HNF4G: variants seen among roughly 807,000 people sequenced by gnomAD.
The protein encoded by HNF4G is hepatocyte nuclear factor 4 gamma.
In HNF4G, 21 loss-of-function variants were observed where a neutral mutation model predicts 50.9. The observed-to-expected ratio is 0.41, with a 90% CI of 0.29 to 0.59. HNF4G has a LOEUF of 0.59. Ranked by LOEUF, HNF4G falls within the 20% of genes least tolerant of loss-of-function variation. HNF4G has a pLI of 0.26. For synonymous variants in HNF4G, 198 were observed against 185.6 expected (o/e 1.07, Z -0.54); for missense variants, 527 against 559.4 (o/e 0.94, Z 0.58).
chr8:75,518,550 TA>T (rs1805954777), intron 2 of HNF4G, among the ~76,000 whole-genome samples: 1 of 152,146 alleles, frequency 6.6e-6, no homozygotes, highest in African/African-American at 2.4e-5. Context: ...ATTGCGGCAC[TA>T]AACCTCAATT....
chr8:75,552,701 A>G (rs1275089110), intron 4 of HNF4G, among the ~76,000 whole-genome samples: 1 of 152,170 alleles, frequency 6.6e-6, no homozygotes, highest in Non-Finnish European at 1.5e-5. Flanking sequence ...TATGGATACT[A>G]TCTATCTATT....
At chr8:75,436,508 G>A (rs1029082355) in intron 1 of HNF4G, among the ~76,000 whole-genome samples, 1 of 152,182 alleles carries the variant, frequency 6.6e-6, no homozygotes, top group African/African-American at 2.4e-5. Flanking sequence ...CTCTGAGCCT[G>A]CTTTGCAGAT....
chr8:75,558,588 T>C lies in HNF4G; in HGVS notation c.804T>C (p.Asp268=), dbSNP rs766488467. ...GCCGTGTGGCCAATCGTGTTCTAGA[T>C]GAGCTGGTTAGACCATTTCAAGAAA... ...EISRVANRVL[D]ELVRPFQEIQ... The change falls in exon 7 of 10, where the codon GAT becomes GAC. Residue 268 remains aspartate, a synonymous_variant. Transcript: ENST00000396423. The C allele has an allele frequency of 9.9e-6, 16 of 1,613,718 alleles. No individual in the cohort carries two copies. Among genetic ancestry groups the C allele is most frequent in the Non-Finnish European group, 1.3e-5 (15 of 1,179,624 alleles).
rs116487020 is a variant in HNF4G, at chr8:75,449,051, T to C, written c.-144+40889T>C. ...TAGAATGAAGATCATGTTGCTATAA[T>C]TAAAGGGCCCCAAAAAGTTGTTTAA... On this transcript the variant is annotated intron_variant, in intron 1 of 10. Transcript: ENST00000354370. Among the ~76,000 whole-genome samples, 296 of 152,224 alleles carry C rather than the reference T, an allele frequency of 1.9e-3. 1 individual carries two copies. The highest frequency in any genetic ancestry group is 6.4e-3 in the African/African-American group (265 of 41,554).
At chr8:75,559,085 A>T (rs1466183425) in intron 8 of HNF4G, 48 bp downstream of exon 8, 3 of 1,200,566 alleles carry the variant, frequency 2.5e-6, no homozygotes, top group Admixed American at 3.4e-5. Flanking sequence ...ATCACACTAA[A>T]TATAAGTTTG....
At chr8:75,466,516 C>G (rs75586430) in intron 1 of HNF4G, among the ~76,000 whole-genome samples, 2 of 150,198 alleles carry the variant, frequency 1.3e-5, no homozygotes, top group African/African-American at 4.9e-5. Flanking sequence ...CTCCCTCCCT[C>G]CCTCCTTTCC....
intron 1 of HNF4G, among the ~76,000 whole-genome samples, chr8:75,425,108 C>T (rs969903855): frequency 7.1e-5 from 5 of 70,622 alleles, no homozygotes; most frequent in African/African-American, 3.2e-4. Flanking sequence ...TTATTTTAGA[C>T]GGAGTCTCGC....
intron 1 of HNF4G, among the ~76,000 whole-genome samples, chr8:75,437,821 A>G (rs1585842473): frequency 2.0e-5 from 3 of 152,276 alleles, no homozygotes; most frequent in Admixed American, 6.5e-5. Context: ...AAAATAATAT[A>G]AAGTAACGCT....
intron 1 of HNF4G, among the ~76,000 whole-genome samples, chr8:75,417,275 C>T (rs1196863451): frequency 6.6e-6 from 1 of 152,198 alleles, no homozygotes; most frequent in Non-Finnish European, 1.5e-5. Context: ...ATCCTTCTGC[C>T]TCAGCCTTCT....
At chr8:75,512,004 G>T (rs1326904083) in intron 2 of HNF4G, among the ~76,000 whole-genome samples, 10 of 151,962 alleles carry the variant, frequency 6.6e-5, no homozygotes, top group Non-Finnish European at 1.5e-4. Flanking sequence ...TAGTTTATTG[G>T]CCAGTGCAGA....
chr8:75,412,701 T>G (rs777924475), intron 1 of HNF4G, among the ~76,000 whole-genome samples: 49 of 151,900 alleles, frequency 3.2e-4, no homozygotes, highest in Non-Finnish European at 6.9e-4. Flanking sequence ...GACTGAAGAT[T>G]ATGGACTGTG....
At position 75,510,706 on chromosome 8, in the gene HNF4G, C is replaced by G. The variant is rs552867866; in HGVS notation, c.-24+20498C>G. Among the ~76,000 whole-genome samples, 7 of 152,148 alleles carry G rather than the reference C, an allele frequency of 4.6e-5. No individual in the cohort carries two copies. In the South Asian group the frequency reaches 1.2e-3, roughly 27 times the overall value. On this transcript the variant is annotated intron_variant, in intron 2 of 10. Coordinates refer to the HNF4G transcript ENST00000354370. ...AGCCTAGGTGTGTAGTAGGTTATAC[C>G]ATCTAGGTTTGTGTAATTACACTGT...
chr8:75,434,002 CT>C (rs139429237), intron 1 of HNF4G, among the ~76,000 whole-genome samples: 5,560 of 123,270 alleles, frequency 0.045, 154 homozygotes, highest in African/African-American at 0.13. Flanking sequence ...TGTTTCTTTT[CT>C]TTTTTTTTTT....
chr8:75,538,713 C>T (rs987676045), upstream of HNF4G, among the ~76,000 whole-genome samples: 1 of 152,110 alleles, frequency 6.6e-6, no homozygotes, highest in South Asian at 2.1e-4. Context: ...TAAGAGTATA[C>T]AGAATATGAG....
At position 75,543,808 on chromosome 8, in the gene HNF4G, CAGAT is replaced by C. The variant is rs776102437; in HGVS notation, c.119_122del (p.Asp40ValfsTer8). 3.1e-6 allele frequency: 5 copies of C among 1,605,124 alleles called. No homozygotes were observed. In the South Asian group the frequency reaches 3.3e-5, roughly 11 times the overall value. On this transcript the variant is annotated splice_acceptor_variant and coding_sequence_variant, in exon 2 of 10. Transcript: ENST00000396423. LOFTEE classifies it high-confidence loss of function. Reference sequence around the variant, plus strand: ...AACTGTAATCTTCCTTTTTTATTGACAGATAGTTCTGCCCCAGAGACAAGTATGA... The same window carrying C: ...AACTGTAATCTTCCTTTTTTATTGACAGTTCTGCCCCAGAGACAAGTATGA...
At chr8:75,559,449 T>C (rs1396478161) in intron 8 of HNF4G, among the ~76,000 whole-genome samples, 1 of 152,056 alleles carries the variant, frequency 6.6e-6, no homozygotes, top group African/African-American at 2.4e-5. Context: ...AATTTTTGTA[T>C]TTTTAGTAGA....
At chr8:75,489,520 T>C (rs1315952912) in intron 1 of HNF4G, among the ~76,000 whole-genome samples, 2 of 152,208 alleles carry the variant, frequency 1.3e-5, no homozygotes, top group African/African-American at 4.8e-5. Context: ...GTTTTCCTGT[T>C]ATACTTGTAT....
intron 2 of HNF4G, among the ~76,000 whole-genome samples, chr8:75,509,589 C>CTGCATAATATGCCACATAATGA (rs1392103460): frequency 6.6e-6 from 1 of 152,182 alleles, no homozygotes; most frequent in Admixed American, 6.5e-5. Context: ...CTCTCATATA[C>CTGCATAATATGCCACATAATGA]TGCATAATAT....
At chr8:75,477,211 A>C in intron 1 of HNF4G, among the ~76,000 whole-genome samples, 1 of 152,136 alleles carries the variant, frequency 6.6e-6, no homozygotes, top group East Asian at 1.9e-4. Flanking sequence ...TACAAAGAAA[A>C]CCATTTGACT....
Sources: gnomAD v4.1 joint callset for allele counts (sites outside exome capture counted in the v4.1 genomes callset) on GRCh38, gnomAD v4.1.1 for gene constraint, MANE v1.5 for transcripts, NCBI Gene and HGNC (gene_info 2026-07-23, HGNC 2026-07-21) for gene names.